Variants in TNIK observed in about 807,000 individuals in gnomAD.
The protein encoded by TNIK is TRAF2 and NCK-interacting protein kinase.
TNIK carries 49 observed loss-of-function variants against 191.3 expected under a neutral mutation model. That is an observed-to-expected ratio of 0.26 (90% CI 0.20 to 0.32). TNIK has a LOEUF of 0.32. Among genes scored for constraint, TNIK ranks in the 10% least tolerant of loss-of-function variants. The pLI is 1.00. For synonymous variants in TNIK, 594 were observed against 600.9 expected (o/e 0.99, Z 0.17); for missense variants, 1,155 against 1,702.3 (o/e 0.68, Z 5.66).
At chr3:171,257,587 T>C (rs1406040495) in intron 2 of TNIK, among the ~76,000 whole-genome samples, 5 of 152,158 alleles carry the variant, frequency 3.3e-5, no homozygotes, top group Non-Finnish European at 7.4e-5. Flanking sequence ...GAAAACAACA[T>C]TCTAACGTCA....
intron 4 of TNIK, among the ~76,000 whole-genome samples, chr3:171,202,857 T>G (rs1256420643): frequency 6.6e-6 from 1 of 152,180 alleles, no homozygotes; most frequent in Non-Finnish European, 1.5e-5. Flanking sequence ...CATATCTATA[T>G]TTGCCAAATT....
intron 2 of TNIK, among the ~76,000 whole-genome samples, chr3:171,344,097 A>G (rs9824791): frequency 0.58 from 88,595 of 152,034 alleles, 26,561 homozygotes; most frequent in African/African-American, 0.73. Context: ...CTCCCCAAAA[A>G]AGCAAAAAAC....
intron 1 of TNIK, among the ~76,000 whole-genome samples, chr3:171,390,147 G>A (rs1719280007): frequency 1.3e-5 from 2 of 152,294 alleles, no homozygotes; most frequent in Admixed American, 1.3e-4. Context: ...CTGAGCCTTT[G>A]TGGCACGAAT....
At chr3:171,084,009 TCAAGATAGTCC>T (rs1285297276) in intron 26 of TNIK, 135 bp downstream of exon 26, 217 of 1,110,730 alleles carry the variant, frequency 2.0e-4, no homozygotes, top group Non-Finnish European at 2.6e-4. Flanking sequence ...TCTCCTGAGG[TCAAGATAGTCC>T]CAAGTTAGGT....
chr3:171,113,416 T>G lies in TNIK; in HGVS notation c.2121-2539A>C, dbSNP rs773616551. 8.9e-4 allele frequency among the ~76,000 whole-genome samples: 136 copies of G among 152,148 alleles called. 1 individual carries two copies. The highest frequency in any genetic ancestry group is 1.9e-3 in the Non-Finnish European group (130 of 67,986). On this transcript the variant is annotated intron_variant, in intron 18 of 32. Coordinates refer to ENST00000436636, the MANE Select transcript of TNIK (RefSeq NM_015028.4). ...GTCAGGAGATCGAGACCATCCTGGC[T>G]AACACAGTGAAACCCCATCTCTACT...
At chr3:171,086,756 A>G (rs1006527258) in intron 24 of TNIK, among the ~76,000 whole-genome samples, 3 of 152,200 alleles carry the variant, frequency 2.0e-5, no homozygotes, top group Non-Finnish European at 4.4e-5. Flanking sequence ...ATCAGCGTCT[A>G]TGGGCACTAC....
At chr3:171,304,745 C>A (rs1753237671) in intron 2 of TNIK, among the ~76,000 whole-genome samples, 1 of 151,876 alleles carries the variant, frequency 6.6e-6, no homozygotes, top group Non-Finnish European at 1.5e-5. Flanking sequence ...TCATTCTCAG[C>A]AAACTATCAC....
rs1309505624 is a variant in TNIK, at chr3:171,309,635, CAT to C, written c.123+59983_123+59984del. Among the ~76,000 whole-genome samples the C allele has an allele frequency of 2.0e-5, 3 of 152,120 alleles. No individual in the cohort carries two copies. In the East Asian group the frequency reaches 5.8e-4, roughly 29 times the overall value. On this transcript the variant is annotated intron_variant, in intron 2 of 32. Transcript: ENST00000436636. Reference sequence around the variant, plus strand: ...AATAAACATTGGTAGATATAACTAACATAAACAAAAGCTTCTTGAAGTCCTCA... The same window carrying C: ...AATAAACATTGGTAGATATAACTAACAAACAAAAGCTTCTTGAAGTCCTCA...
chr3:171,372,979 C>A (rs555620835), intron 1 of TNIK, among the ~76,000 whole-genome samples: 1 of 152,230 alleles, frequency 6.6e-6, no homozygotes, highest in East Asian at 1.9e-4. Context: ...AGGTATTATT[C>A]AGTGACACCT....
intron 1 of TNIK, among the ~76,000 whole-genome samples, chr3:171,410,179 C>T (rs1447960007): frequency 2.0e-5 from 3 of 152,202 alleles, no homozygotes; most frequent in Non-Finnish European, 2.9e-5. Context: ...TCTCAGTACT[C>T]AAAAGCATCT....
intron 21 of TNIK, among the ~76,000 whole-genome samples, chr3:171,103,181 C>T (rs1293048120): frequency 1.3e-5 from 2 of 151,624 alleles, no homozygotes; most frequent in African/African-American, 4.8e-5. Context: ...TTGGCTAGGG[C>T]TTTTGCACAC....
intron 2 of TNIK, among the ~76,000 whole-genome samples, chr3:171,339,868 C>T (rs1358564402): frequency 6.6e-6 from 1 of 152,104 alleles, no homozygotes; most frequent in Non-Finnish European, 1.5e-5. Context: ...GCTCATGGGC[C>T]GGTTTCCAGC....
chr3:171,340,004 GAT>G (rs1234935525), intron 2 of TNIK, among the ~76,000 whole-genome samples: 1 of 152,082 alleles, frequency 6.6e-6, no homozygotes, highest in Non-Finnish European at 1.5e-5. Flanking sequence ...TATGTTCAAA[GAT>G]ATAACAGCAA....
At chr3:171,222,808 C>CT (rs1304911566) in intron 3 of TNIK, among the ~76,000 whole-genome samples, 4 of 152,090 alleles carry the variant, frequency 2.6e-5, no homozygotes, top group African/African-American at 9.7e-5. Flanking sequence ...AGCATGGATC[C>CT]TCCTAGTAGG....
intron 1 of TNIK, among the ~76,000 whole-genome samples, chr3:171,401,565 G>C (rs1388325694): frequency 6.6e-6 from 1 of 152,006 alleles, no homozygotes; most frequent in East Asian, 1.9e-4. Flanking sequence ...TTAGGGAGCA[G>C]TGAAGTCTTA....
chr3:171,108,155 A>G lies in TNIK; in HGVS notation c.2292T>C (p.Ser764=). 2 of 1,550,120 alleles carry G rather than the reference A, an allele frequency of 1.3e-6. No homozygotes were observed. Among genetic ancestry groups the G allele is most frequent in the Non-Finnish European group, 1.7e-6 (2 of 1,149,006 alleles). Reference sequence around the variant, plus strand: ...GGAGCACAGGTGATCCTTCTGACTTACTGTTGGCTAGAGGAAAAAAACAGA... The same window carrying G: ...GGAGCACAGGTGATCCTTCTGACTTGCTGTTGGCTAGAGGAAAAAAACAGA... ...SSERTRVRAN[S]KSEGSPVLPH... The change falls in exon 20 of 33, where the codon AGT becomes AGC. Residue 764 remains serine, a synonymous_variant. Coordinates refer to ENST00000436636, the MANE Select transcript of TNIK (RefSeq NM_015028.4).
chr3:171,433,023 A>G (rs941499245), intron 1 of TNIK, among the ~76,000 whole-genome samples: 1 of 152,218 alleles, frequency 6.6e-6, no homozygotes, highest in Non-Finnish European at 1.5e-5. Context: ...TTGAATTAAC[A>G]AACACTGGAA....
chr3:171,172,596 C>T (rs1338236205), intron 9 of TNIK, among the ~76,000 whole-genome samples: 1 of 152,196 alleles, frequency 6.6e-6, no homozygotes, highest in Non-Finnish European at 1.5e-5. Flanking sequence ...GGAGCCATGT[C>T]TGCTGTCAAG....
chr3:171,153,548 T>C (rs940479088), intron 12 of TNIK, among the ~76,000 whole-genome samples: 2 of 152,112 alleles, frequency 1.3e-5, no homozygotes, highest in African/African-American at 4.8e-5. Context: ...CCATCATCTG[T>C]CCAAAGCATC....
Sources: gnomAD v4.1 joint callset for allele counts (sites outside exome capture counted in the v4.1 genomes callset) on GRCh38, gnomAD v4.1.1 for gene constraint, MANE v1.5 for transcripts, NCBI Gene and HGNC (gene_info 2026-07-23, HGNC 2026-07-21) for gene names.